Variants in NRXN3 observed in about 807,000 individuals in gnomAD.
NRXN3 encodes the protein neurexin III.
A neutral mutation model predicts 137.6 loss-of-function variants in NRXN3; 32 were observed. That is an observed-to-expected ratio of 0.23 (90% CI 0.18 to 0.31). The LOEUF (loss-of-function observed/expected upper bound fraction) is 0.31, where lower values mean the gene tolerates loss of function less well. Among genes scored for constraint, NRXN3 ranks in the 10% least tolerant of loss-of-function variants. The probability of loss-of-function intolerance (pLI) is 1.00; values close to 1 mark genes in which losing one functional copy is unlikely to be tolerated. For missense variants in NRXN3, 1,574 were observed against 2,062.5 expected (o/e 0.76, Z 4.59); for synonymous variants, 798 against 784.5 (o/e 1.02, Z -0.29).
At chr14:78,197,199 G>A (rs558278169) in intron 1 of NRXN3, among the ~76,000 whole-genome samples, 3 of 152,278 alleles carry the variant, frequency 2.0e-5, no homozygotes, top group Admixed American at 6.5e-5. Context: ...CTCAGCCCTC[G>A]CCCAACCAGA....
intron 15 of NRXN3, among the ~76,000 whole-genome samples, chr14:79,165,555 A>C (rs1347240100): frequency 6.6e-6 from 1 of 152,044 alleles, no homozygotes; most frequent in East Asian, 1.9e-4. Flanking sequence ...AGACACACAC[A>C]ATCCAACCTC....
chr14:78,686,350 T>C (rs1346047196), intron 6 of NRXN3, among the ~76,000 whole-genome samples: 2 of 152,222 alleles, frequency 1.3e-5, no homozygotes, highest in Non-Finnish European at 2.9e-5. Flanking sequence ...CAGTTCTTTA[T>C]TGGAACAAAA....
intron 4 of NRXN3, among the ~76,000 whole-genome samples, chr14:78,353,969 T>A: frequency 6.7e-6 from 1 of 149,858 alleles, no homozygotes; most frequent in Admixed American, 6.7e-5. Context: ...AAGTCCTTTA[T>A]TTTTTCTCAG....
chr14:79,495,623 ATCCT>A (rs2096758790), intron 16 of NRXN3, among the ~76,000 whole-genome samples: 1 of 152,178 alleles, frequency 6.6e-6, no homozygotes, highest in African/African-American at 2.4e-5. Context: ...TTTACATTTA[ATCCT>A]TACAACAACC....
intron 4 of NRXN3, among the ~76,000 whole-genome samples, chr14:78,641,804 C>A (rs1334099892): frequency 1.3e-5 from 2 of 152,166 alleles, no homozygotes; most frequent in African/African-American, 4.8e-5. Context: ...AAATCTTCTT[C>A]GGTATAGTTG....
At chr14:78,769,959 GAA>G (rs11313284) in intron 8 of NRXN3, among the ~76,000 whole-genome samples, 1 of 138,964 alleles carries the variant, frequency 7.2e-6, no homozygotes, top group African/African-American at 2.6e-5. Context: ...CAATGTCTGA[GAA>G]AAAAAAAAAA....
chr14:78,858,739 T>C (rs1395037078), intron 10 of NRXN3, among the ~76,000 whole-genome samples: 1 of 152,208 alleles, frequency 6.6e-6, no homozygotes, highest in Non-Finnish European at 1.5e-5. Context: ...TAACTGCTGA[T>C]TGAACCTTTA....
chr14:78,690,795 AG>A (rs2098164277), intron 6 of NRXN3, among the ~76,000 whole-genome samples: 1 of 152,184 alleles, frequency 6.6e-6, no homozygotes, highest in Admixed American at 6.5e-5. Flanking sequence ...GTTTGCTTTT[AG>A]GCAGGTTGAT....
intron 15 of NRXN3, among the ~76,000 whole-genome samples, chr14:79,269,088 C>T (rs911871442): frequency 6.6e-6 from 1 of 150,398 alleles, no homozygotes; most frequent in African/African-American, 2.5e-5. Context: ...CTCGCTCTGT[C>T]GCCAAGGCTG....
At chr14:79,167,589 T>A (rs1412084148) in intron 15 of NRXN3, among the ~76,000 whole-genome samples, 1 of 152,010 alleles carries the variant, frequency 6.6e-6, no homozygotes, top group Non-Finnish European at 1.5e-5. Flanking sequence ...AAATTGCTTT[T>A]ACTTTTCTTC....
intron 15 of NRXN3, among the ~76,000 whole-genome samples, chr14:79,415,853 T>C (rs1482915748): frequency 1.3e-5 from 2 of 152,214 alleles, no homozygotes; most frequent in South Asian, 2.1e-4. Flanking sequence ...TAGGAACTTA[T>C]TACAAATGCA....
intron 15 of NRXN3, chr14:79,201,146 A>G (rs1045587723): frequency 2.6e-5 from 4 of 152,174 alleles, no homozygotes; most frequent in Non-Finnish European, 5.9e-5. Context: ...CCTATTAGGT[A>G]GAAATTCAAG....
chr14:78,199,314 C>T (rs145987134), intron 1 of NRXN3, among the ~76,000 whole-genome samples: 4 of 152,218 alleles, frequency 2.6e-5, no homozygotes, highest in South Asian at 2.1e-4. Flanking sequence ...CCCCTCCCCC[C>T]CCACACCCAA....
chr14:79,045,348 T>C (rs2099631449), intron 15 of NRXN3, among the ~76,000 whole-genome samples: 1 of 152,202 alleles, frequency 6.6e-6, no homozygotes, highest in South Asian at 2.1e-4. Context: ...AGGCCAATCC[T>C]GATCCTAGGC....
chr14:78,726,966 A>AAAAAC (rs758588426), intron 8 of NRXN3, among the ~76,000 whole-genome samples: 40 of 150,910 alleles, frequency 2.7e-4, no homozygotes, highest in Non-Finnish European at 4.0e-4. Context: ...CACTAAAAAA[A>AAAAAC]AAAAAAAAAA....
At chr14:79,805,909 C>T (rs936142354) in intron 20 of NRXN3, among the ~76,000 whole-genome samples, 1 of 152,046 alleles carries the variant, frequency 6.6e-6, no homozygotes, top group Non-Finnish European at 1.5e-5. Context: ...CCCATTTGGA[C>T]CCAGATACAT....
chr14:78,649,000 T>C (rs1385292147), intron 5 of NRXN3, among the ~76,000 whole-genome samples: 3 of 152,148 alleles, frequency 2.0e-5, no homozygotes, highest in Non-Finnish European at 4.4e-5. Context: ...TGCAATGGCA[T>C]GTAGACTGCA....
intron 15 of NRXN3, among the ~76,000 whole-genome samples, chr14:79,282,990 C>T (rs1247371078): frequency 6.6e-6 from 1 of 152,188 alleles, no homozygotes; most frequent in Admixed American, 6.5e-5. Context: ...CCCTTTGCGT[C>T]TCTAACTAAA....
intron 16 of NRXN3, among the ~76,000 whole-genome samples, chr14:79,653,570 C>T (rs746373649): frequency 6.6e-6 from 1 of 152,184 alleles, no homozygotes; most frequent in Non-Finnish European, 1.5e-5. Flanking sequence ...TCTGCATCTG[C>T]AGCTGACCTC....
Sources: allele counts gnomAD v4.1 joint callset (sites outside exome capture counted in the v4.1 genomes callset), GRCh38; gene constraint gnomAD v4.1.1; transcripts MANE v1.5; gene names NCBI Gene and HGNC (gene_info 2026-07-23, HGNC 2026-07-21).